The following LRWD1 variants were observed in gnomAD, a reference collection of about 807,000 sequenced individuals.
LRWD1 encodes leucine rich repeats and WD repeat domain containing 1.
A neutral mutation model predicts 75.6 loss-of-function variants in LRWD1; 76 were observed. The observed-to-expected ratio is 1.01, with a 90% CI of 0.84 to 1.22. LRWD1 has a LOEUF of 1.22. Ranked by LOEUF, LRWD1 falls within the 50% of genes most tolerant of loss-of-function variation. The pLI is 0.00. For missense variants in LRWD1, 917 were observed against 862.0 expected, an observed-to-expected ratio of 1.06 and a Z score of -0.80; for synonymous variants, 487 against 377.0, an observed-to-expected ratio of 1.29 and a Z score of -3.38.
chr7:102,468,999 C>T lies in LRWD1; in HGVS notation c.1165C>T (p.Arg389Ter), dbSNP rs767286922. 21 of 1,612,918 alleles carry T rather than the reference C, an allele frequency of 1.3e-5. No homozygotes were observed. Among genetic ancestry groups the T allele is most frequent in the Admixed American group, 3.3e-5 (2 of 59,948 alleles). ...TGCCGGCTTCTGCTGCGGGGTCATCCGAGCCCACAAGAAGGCCATCGCCAC... is the reference window on the plus strand; with the variant it reads ...TGCCGGCTTCTGCTGCGGGGTCATCTGAGCCCACAAGAAGGCCATCGCCAC... ...VRAGFCCGVI[R>*]AHKKAIATLC... The change falls in exon 9 of 15, where the codon CGA (arginine) becomes TGA (stop). Residue 389 changes from arginine (R) to a stop codon, truncating the protein, a stop_gained. Transcript: ENST00000292616. LOFTEE classifies it high-confidence loss of function.
At chr7:102,466,476 G>A (rs1457182487) in intron 3 of LRWD1, among the ~76,000 whole-genome samples, 2 of 152,114 alleles carry the variant, frequency 1.3e-5, no homozygotes, top group African/African-American at 4.8e-5. Context: ...GTGCAGTGAT[G>A]CGATCTTGGC....
Position 102,465,096 on chromosome 7 carries a change from G to A in LRWD1, c.16G>A (p.Ala6Thr). 1 of 1,501,694 alleles carries A rather than the reference G, an allele frequency of 6.7e-7. No homozygotes were observed. Among genetic ancestry groups the A allele is most frequent in the Non-Finnish European group, 8.9e-7 (1 of 1,128,420 alleles). The allele number at this position is 1,501,694 out of a possible 1,614,324, so 93.0% of individuals were successfully genotyped here. ...CCTCCTCGCCATGGGCCCCCTCTCG[G>A]CGCGGCTGCTAATGCAGCGCGGGCG... MGPLS[A>T]RLLMQRGRPK... is the part of the protein sequence containing the mutation. Residue 6 changes from alanine to threonine, a missense_variant, in exon 1 of 15, where the codon GCG becomes ACG. Ala to Thr is a moderately conservative substitution (Grantham distance 58, BLOSUM62 0). Transcript: ENST00000292616.
rs1021253704 is a variant in LRWD1 at position 102,467,721 on chromosome 7, G to GC, written c.577dup (p.Arg193ProfsTer5). On this transcript the variant is annotated frameshift_variant, in exon 5 of 15. Coordinates refer to ENST00000292616, the MANE Select transcript of LRWD1 (RefSeq NM_152892.3). LOFTEE classifies it high-confidence loss of function. ...CCTGATGGCCTGGCCCCACCCAGGT[G>GC]CGGATGATCTCTGAGGAGCTGGTGG... 1.3e-6 allele frequency: 2 copies of GC among 1,551,470 alleles called. No individual in the cohort carries two copies. Among genetic ancestry groups the GC allele is most frequent in the Non-Finnish European group, 1.7e-6 (2 of 1,147,038 alleles).
In LRWD1 at chr7:102,473,034, C is replaced by T. The variant is rs752806384; in HGVS notation, c.1929C>T (p.Ile643=). The change falls in exon 15 of 15, where the codon ATC becomes ATT. Residue 643 remains isoleucine, a synonymous_variant. Transcript: ENST00000292616. ...TGACGGACTCCAACATCGTAGCCAT[C>T]TGGGGGAGGATGTAGCCTCACACCA... The part of the protein sequence containing the change: ...TALTDSNIVA[I]WGRM 3 of 1,613,308 alleles carry T rather than the reference C, an allele frequency of 1.9e-6. No individual in the cohort carries two copies. In the East Asian group the frequency reaches 6.7e-5, roughly 36 times the overall value.
chr7:102,472,574 C>A lies in LRWD1; in HGVS notation c.1655C>A (p.Thr552Asn). ...VVLARLQWSS[T>N]ELAYFSLSAC... is the part of the protein sequence containing the mutation. ...CTGGCGCGGCTGCAATGGTCGTCCACCGAGTTGGCCTACTTCTCGCTCAGC... is the reference window on the plus strand; with the variant it reads ...CTGGCGCGGCTGCAATGGTCGTCCAACGAGTTGGCCTACTTCTCGCTCAGC... Residue 552 changes from threonine (T) to asparagine (N), a missense_variant, in exon 13 of 15, where the codon ACC becomes AAC. Transcript: ENST00000292616. The A allele has an allele frequency of 6.2e-7, 1 of 1,607,298 alleles. No individual in the cohort carries two copies. The highest frequency in any genetic ancestry group is 8.5e-7 in the Non-Finnish European group (1 of 1,177,330).
In LRWD1 at chr7:102,472,756, C is replaced by G. The variant is rs770420634; in HGVS notation, c.1755C>G (p.Ile585Met). The G allele has an allele frequency of 3.1e-6, 5 of 1,613,464 alleles. No individual in the cohort carries two copies. Among genetic ancestry groups the G allele is most frequent in the Non-Finnish European group, 4.2e-6 (5 of 1,179,960 alleles). Residue 585 changes from isoleucine (I) to methionine (M), a missense_variant, in exon 14 of 15, where the codon ATC becomes ATG. Transcript: ENST00000292616. ...TGTGGCTCTACGACGTCAGCAACAT[C>G]CTGAAGCAGCCACCCCTGCTGCCGG... ...GNVWLYDVSN[I>M]LKQPPLLPAA...
chr7:102,468,458 TA>T, intron 7 of LRWD1, 81 bp downstream of exon 7: 2 of 1,538,622 alleles, frequency 1.3e-6, no homozygotes. Flanking sequence ...AGACAGAGCT[TA>T]AAAGGCGCCA....
intron 3 of LRWD1, 29 bp from the exon 4 acceptor site, chr7:102,467,310 G>C: frequency 6.4e-7 from 1 of 1,573,884 alleles, no homozygotes; most frequent in Non-Finnish European, 8.6e-7. Flanking sequence ...GGGGTGGGCC[G>C]GGCCTGGATC....
rs916986363 is a variant in LRWD1, at chr7:102,469,522, G to A, written c.1229-52G>A. The A allele has an allele frequency of 2.5e-6, 4 of 1,601,936 alleles. No individual in the cohort carries two copies. The East Asian group carries it at 8.9e-5, about 36-fold the overall frequency. On this transcript the variant is annotated intron_variant, in intron 9 of 14. Transcript: ENST00000292616. ...TCAGCCTGGGATGCAGCCAGCAGGAGGGAGCAGGGTCATCTCAGGGCCACT... is the reference window on the plus strand; with the variant it reads ...TCAGCCTGGGATGCAGCCAGCAGGAAGGAGCAGGGTCATCTCAGGGCCACT...
chr7:102,466,693 C>T (rs1282947777), intron 3 of LRWD1, among the ~76,000 whole-genome samples: 2 of 148,316 alleles, frequency 1.3e-5, no homozygotes, highest in Non-Finnish European at 3.0e-5. Context: ...GTCGGGATTA[C>T]AGGTATGAGT....
In LRWD1 at chr7:102,467,180, G is replaced by GTATGTGTGTGTA. The variant is rs1563654303; in HGVS notation, c.433-158_433-157insATGTGTGTGTAT. Reference sequence around the variant, plus strand: ...GCTGGGGTGTGTGTGGGGTGTGTGTGTGTGTGTGTGTGTGTGTGTGTGTGT... The same window carrying GTATGTGTGTGTA: ...GCTGGGGTGTGTGTGGGGTGTGTGTGTATGTGTGTGTATGTGTGTGTGTGTGTGTGTGTGTGT... On this transcript the variant is annotated intron_variant, in intron 3 of 14. Coordinates refer to ENST00000292616, the MANE Select transcript of LRWD1 (RefSeq NM_152892.3). Among the ~76,000 whole-genome samples, 3 of 88,742 alleles carry GTATGTGTGTGTA rather than the reference G, an allele frequency of 3.4e-5. No individual in the cohort carries two copies. The Admixed American group carries it at 4.0e-4, about 12-fold the overall frequency. The allele number at this position is 88,742 out of a possible 152,430, so 58.2% of individuals were successfully genotyped here. A position where few individuals can be genotyped will look rare whatever the true frequency, so the allele number is the denominator to read the frequency against.
Position 102,468,976 on chromosome 7 carries a change from C to T in LRWD1, c.1142C>T (p.Ala381Val). The T allele has an allele frequency of 6.2e-7, 1 of 1,612,708 alleles. No individual in the cohort carries two copies. Among genetic ancestry groups the T allele is most frequent in the Non-Finnish European group, 8.5e-7 (1 of 1,179,832 alleles). The stretch of plus-strand genomic sequence containing the variant: ...CTGGTCCGGCTGCTGCACGTGCGTG[C>T]CGGCTTCTGCTGCGGGGTCATCCGA... ...RGLVRLLHVR[A>V]GFCCGVIRAH... is the part of the protein sequence containing the mutation. Residue 381 changes from alanine (A) to valine (V), a missense_variant, in exon 9 of 15, where the codon GCC (alanine) becomes GTC (valine). Physicochemically the swap from Ala to Val is moderately conservative, Grantham distance 64. Coordinates refer to ENST00000292616, the MANE Select transcript of LRWD1 (RefSeq NM_152892.3).
chr7:102,468,563 C>G lies in LRWD1; in HGVS notation c.929C>G (p.Ser310Cys). ...FEPAWEEGAT[S>C]QTVATCGGEA... ...AAAACCGGGCACTCAGGGGCCACATCCCAGACCGTGGCCACGTGCGGCGGG... is the reference window on the plus strand; with the variant it reads ...AAAACCGGGCACTCAGGGGCCACATGCCAGACCGTGGCCACGTGCGGCGGG... The change falls in exon 8 of 15, where the codon TCC (serine) becomes TGC (cysteine). Residue 310 changes from serine to cysteine, a missense_variant. By Grantham distance (112) the Ser-to-Cys change is moderately radical (BLOSUM62 -1). Transcript: ENST00000292616. 1 of 1,570,800 alleles carries G rather than the reference C, an allele frequency of 6.4e-7. No homozygotes were observed. The highest frequency in any genetic ancestry group is 8.6e-7 in the Non-Finnish European group (1 of 1,157,758).
At chr7:102,467,673 GC>G (rs1427298336) in intron 4 of LRWD1, 45 bp from the exon 5 acceptor site, 1 of 1,535,830 alleles carries the variant, frequency 6.5e-7, no homozygotes, top group South Asian at 1.2e-5. Context: ...AGGGCTGGGG[GC>G]ACCTGGGACT....
chr7:102,468,304 C>A lies in LRWD1; in HGVS notation c.846C>A (p.His282Gln). 1.2e-6 allele frequency: 2 copies of A among 1,612,612 alleles called. No homozygotes were observed. The highest frequency in any genetic ancestry group is 1.7e-6 in the Non-Finnish European group (2 of 1,179,534). The change falls in exon 7 of 15, where the codon CAC (histidine) becomes CAA (glutamine). Residue 282 changes from histidine to glutamine, a missense_variant. By Grantham distance (24) the His-to-Gln change is conservative (BLOSUM62 0). Transcript: ENST00000292616. ...AGCCCCTGCACTTCCTGCAGTGCCA[C>A]AGCAAGAACAACAGCCCCCAGGACC... ...KLEPLHFLQCHSKNNSPQDLE... is the reference protein window; with the variant it reads ...KLEPLHFLQCQSKNNSPQDLE...
chr7:102,469,257 C>T (rs111987330), intron 9 of LRWD1, among the ~76,000 whole-genome samples, 195 bp downstream of exon 9: 7,269 of 152,326 alleles, frequency 0.048, 222 homozygotes, highest in Middle Eastern at 0.085. Flanking sequence ...TGCTCTGTGG[C>T]CTCGGAGTTT....
At position 102,468,245 on chromosome 7, in the gene LRWD1, C is replaced by T. The variant is rs1798073635; in HGVS notation, c.805-18C>T. On this transcript the variant is annotated intron_variant, in intron 6 of 14. Transcript: ENST00000292616. ...TGAGTCGGGGCTGGGCAGCTGTGAC[C>T]CTTCTCTCCCCCCACAGCCTGCTGT... is the stretch of plus-strand genomic sequence containing the variant. 7 of 1,602,208 alleles carry T rather than the reference C, an allele frequency of 4.4e-6. No homozygotes were observed. The highest frequency in any genetic ancestry group is 2.7e-5 in the African/African-American group (2 of 74,850).
At chr7:102,472,331 G>A in intron 12 of LRWD1, 22 bp downstream of exon 12, 1 of 1,559,092 alleles carries the variant, frequency 6.4e-7, no homozygotes, top group Non-Finnish European at 8.7e-7. Flanking sequence ...CAGCTTGTGG[G>A]ACAGCCTGGC....
At chr7:102,469,451 G>C in intron 9 of LRWD1, 123 bp from the exon 10 acceptor site, 3 of 1,115,316 alleles carry the variant, frequency 2.7e-6, no homozygotes, top group Non-Finnish European at 4.0e-6. Flanking sequence ...TCCTAGCCTC[G>C]GCCCGCCCTC....
Sources: gnomAD v4.1 joint callset for allele counts (sites outside exome capture counted in the v4.1 genomes callset) on GRCh38, gnomAD v4.1.1 for gene constraint, MANE v1.5 for transcripts, NCBI Gene and HGNC (gene_info 2026-07-23, HGNC 2026-07-21) for gene names.